PLK3: variants seen among roughly 807,000 people sequenced by gnomAD.
The protein encoded by PLK3 is serine/threonine-protein kinase PLK3.
A neutral mutation model predicts 71.6 loss-of-function variants in PLK3; 41 were observed. The ratio of observed to expected loss-of-function variants is 0.57; its 90% CI spans 0.45 to 0.74. The LOEUF (loss-of-function observed/expected upper bound fraction) is 0.74, where lower values mean the gene tolerates loss of function less well. Ranked by LOEUF, PLK3 falls within the 30% of genes least tolerant of loss-of-function variation. PLK3 has a pLI of 0.00. For missense variants in PLK3, 791 were observed against 875.6 expected, an observed-to-expected ratio of 0.90 and a Z score of 1.22; for synonymous variants, 366 against 355.4, an observed-to-expected ratio of 1.03 and a Z score of -0.33.
Position 44,805,306 on chromosome 1 carries a change from C to T in PLK3, c.1676C>T (p.Ala559Val). The T allele has an allele frequency of 1.2e-6, 2 of 1,614,054 alleles. No homozygotes were observed. Among genetic ancestry groups the T allele is most frequent in the Non-Finnish European group, 1.7e-6 (2 of 1,179,944 alleles). Residue 559 changes from alanine (A) to valine (V), a missense_variant, in exon 14 of 15, where the codon GCT becomes GTT. Ala to Val is a moderately conservative substitution (Grantham distance 64). Coordinates refer to ENST00000372201, the MANE Select transcript of PLK3 (RefSeq NM_004073.4). ...LPSVEEVEVPAPPLLLQWVKT... is the reference protein window; with the variant it reads ...LPSVEEVEVPVPPLLLQWVKT... ...AGTGTGGAAGAGGTAGAGGTACCTGCTCCGCCCTTGCTGCTGCAGTGGGTC... is the reference window on the plus strand; with the variant it reads ...AGTGTGGAAGAGGTAGAGGTACCTGTTCCGCCCTTGCTGCTGCAGTGGGTC...
chr1:44,805,231 G>T (rs1214708462), intron 13 of PLK3, 35 bp from the exon 14 acceptor site: 2 of 1,429,802 alleles, frequency 1.4e-6, no homozygotes, highest in Non-Finnish European at 9.9e-7. Flanking sequence ...GCTGTCTCAC[G>T]CTGGATCAGT....
rs763831383 is a variant in PLK3 at position 44,800,717 on chromosome 1, G to T, written c.210+44G>T. ...GCGGGGTGGTGATGGTGGAGGTGGG[G>T]GTCCCGGCCGGCCTCTTTTCTGGCG... On this transcript the variant is annotated intron_variant, in intron 1 of 14. Transcript: ENST00000372201. The surrounding 1 kb of genome is among the most constrained non-coding windows in gnomAD (Gnocchi z 6.5). 5 of 1,536,478 alleles carry T rather than the reference G, an allele frequency of 3.3e-6. No individual in the cohort carries two copies. The African/African-American group carries it at 6.8e-5, about 21-fold the overall frequency.
At position 44,802,821 on chromosome 1, in the gene PLK3, C is replaced by G; in HGVS notation, c.715C>G (p.Pro239Ala). 6.2e-7 allele frequency: 1 copy of G among 1,613,972 alleles called. No homozygotes were observed. Among genetic ancestry groups the G allele is most frequent in the Non-Finnish European group, 8.5e-7 (1 of 1,179,896 alleles). The change falls in exon 6 of 15, where the codon CCT (proline) becomes GCT (alanine). Residue 239 changes from proline (P) to alanine (A), a missense_variant. Physicochemically the swap from Pro to Ala is conservative, Grantham distance 27. Coordinates refer to ENST00000372201, the MANE Select transcript of PLK3 (RefSeq NM_004073.4). ...PEVLLRQGHG[P>A]EADVWSLGCV... is the part of the protein sequence containing the mutation. Reference sequence around the variant, plus strand: ...AGTGCTGCTGAGACAGGGCCACGGCCCTGAGGCGGATGTATGGTCACTGGG... The same window carrying G: ...AGTGCTGCTGAGACAGGGCCACGGCGCTGAGGCGGATGTATGGTCACTGGG...
chr1:44,801,886 G>T lies in PLK3; in HGVS notation c.607G>T (p.Asp203Tyr). Residue 203 changes from aspartate to tyrosine, a missense_variant, in exon 5 of 15, where the codon GAT becomes TAT. Transcript: ENST00000372201. Reference sequence around the variant, plus strand: ...TGAGAACATGGAACTGAAGGTGGGGGATTTTGGGCTGGCAGCCCGGTTGGA... The same window carrying T: ...TGAGAACATGGAACTGAAGGTGGGGTATTTTGGGCTGGCAGCCCGGTTGGA... Reference protein sequence around the residue: ...ITENMELKVGDFGLAARLEPP... With the variant: ...ITENMELKVGYFGLAARLEPP... 1.2e-6 allele frequency: 2 copies of T among 1,613,996 alleles called. No individual in the cohort carries two copies. The highest frequency in any genetic ancestry group is 1.7e-6 in the Non-Finnish European group (2 of 1,179,952).
chr1:44,801,074 C>T lies in PLK3; in HGVS notation c.357C>T (p.His119=), dbSNP rs150499493. 3.7e-6 allele frequency: 6 copies of T among 1,613,790 alleles called. No individual in the cohort carries two copies. In the African/African-American group the frequency reaches 6.7e-5, roughly 18 times the overall value. The change falls in exon 3 of 15, where the codon CAC becomes CAT. Residue 119 remains histidine, a synonymous_variant. Coordinates refer to ENST00000372201, the MANE Select transcript of PLK3 (RefSeq NM_004073.4). The part of the protein sequence containing the change: ...NEIELHRDLQ[H]RHIVRFSHHF... ...TTGAGCTGCACCGAGACCTGCAGCA[C>T]CGCCACATCGTGCGTTTTTCGCACC...
chr1:44,800,429 G>C lies in PLK3; in HGVS notation c.-35G>C, dbSNP rs948939006. On this transcript the variant is annotated 5_prime_UTR_variant, in exon 1 of 15. Coordinates refer to ENST00000372201, the MANE Select transcript of PLK3 (RefSeq NM_004073.4). The surrounding 1 kb of genome is among the most constrained non-coding windows in gnomAD (Gnocchi z 6.5). Reference sequence around the variant, plus strand: ...CGCGCGGCCGGGGCCGGGCGGAACCGAGAAGCCGGGACCGCGCTGCGACGC... The same window carrying C: ...CGCGCGGCCGGGGCCGGGCGGAACCCAGAAGCCGGGACCGCGCTGCGACGC... 4.6e-6 allele frequency: 6 copies of C among 1,300,436 alleles called. No individual in the cohort carries two copies. The Admixed American group carries it at 1.3e-4, about 27-fold the overall frequency. The allele number at this position is 1,300,436 out of a possible 1,614,324, so 80.6% of individuals were successfully genotyped here.
Position 44,803,116 on chromosome 1 carries a change from C to G in PLK3, c.911C>G (p.Ser304Cys). 6.2e-7 allele frequency: 1 copy of G among 1,613,956 alleles called. No individual in the cohort carries two copies. Among genetic ancestry groups the G allele is most frequent in the Non-Finnish European group, 8.5e-7 (1 of 1,180,006 alleles). Residue 304 changes from serine to cysteine, a missense_variant, in exon 7 of 15, where the codon TCT becomes TGT. Coordinates refer to ENST00000372201, the MANE Select transcript of PLK3 (RefSeq NM_004073.4). This position sits in a 1 kb window ranked among gnomAD's most constrained non-coding sequence, Gnocchi z 4.3. Reference protein sequence around the residue: ...ILRASPRDRPSIDQILRHDFF... With the variant: ...ILRASPRDRPCIDQILRHDFF... ...CGGGCCTCACCCCGAGACCGCCCCT[C>G]TATTGACCAGATCCTGCGCCATGAC...
chr1:44,804,923 G>A (rs994416679), intron 13 of PLK3, 144 bp downstream of exon 13: 15 of 730,738 alleles, frequency 2.1e-5, no homozygotes, highest in Middle Eastern at 3.7e-4. Context: ...GGCTAACAAG[G>A]TGAAACCCCG....
At chr1:44,802,704 C>CG (rs1232341522) in intron 5 of PLK3, 56 bp from the exon 6 acceptor site, 16 of 1,208,192 alleles carry the variant, frequency 1.3e-5, no homozygotes, top group Middle Eastern at 2.7e-4. Context: ...GGGAAGGAGT[C>CG]GGGGGGCTGC....
Position 44,800,461 on chromosome 1 carries a change from C to T in PLK3, c.-3C>T, listed in dbSNP as rs1573609913. On this transcript the variant is annotated 5_prime_UTR_variant, in exon 1 of 15. Transcript: ENST00000372201. This position sits in a 1 kb window ranked among gnomAD's most constrained non-coding sequence, Gnocchi z 6.5. ...CGGGACCGCGCTGCGACGCGCCGGC[C>T]GCATGGAGCCTGCCGCCGGTTTCCT... is the stretch of plus-strand genomic sequence containing the variant. 2.2e-6 allele frequency: 3 copies of T among 1,370,504 alleles called. No homozygotes were observed. The highest frequency in any genetic ancestry group is 2.8e-6 in the Non-Finnish European group (3 of 1,068,320). 84.9% of individuals were successfully genotyped at this position (1,370,504 alleles called of 1,614,324 possible). A position where few individuals can be genotyped will look rare whatever the true frequency, so the allele number is the denominator to read the frequency against.
chr1:44,804,997 C>T (rs989721453), intron 13 of PLK3: 11 of 581,126 alleles, frequency 1.9e-5, no homozygotes, highest in East Asian at 1.5e-4. Flanking sequence ...CCCAGCTACT[C>T]GGGAGGCTGA....
At chr1:44,804,802 A>G (rs1445912737) in intron 13 of PLK3, 23 bp downstream of exon 13, 1 of 1,612,160 alleles carries the variant, frequency 6.2e-7, no homozygotes, top group South Asian at 1.1e-5. Flanking sequence ...GGGCTGTGGT[A>G]CATTGAAACC....
chr1:44,805,206 A>G (rs999964073), intron 13 of PLK3, 60 bp from the exon 14 acceptor site: 3 of 1,096,546 alleles, frequency 2.7e-6, no homozygotes, highest in African/African-American at 1.5e-5. Context: ...TAAGGCATAC[A>G]CTAATGGGGA....
chr1:44,804,617 G>C, intron 12 of PLK3, 33 bp from the exon 13 acceptor site: 1 of 1,609,230 alleles, frequency 6.2e-7, no homozygotes, highest in Non-Finnish European at 8.5e-7. Flanking sequence ...CATTGGTGCA[G>C]GGCTCCCTCT....
chr1:44,804,287 C>T, intron 11 of PLK3, 41 bp downstream of exon 11: 2 of 1,613,216 alleles, frequency 1.2e-6, no homozygotes, highest in Non-Finnish European at 1.7e-6. Flanking sequence ...GGTGGGAGTT[C>T]TGTGGCTGGG....
chr1:44,800,667 G>T lies in PLK3; in HGVS notation c.204G>T (p.Leu68Phe), dbSNP rs17884316. ...GCACCTACCTCAAAGGCCGCTTGTT[G>T]GGCAAGGTGGGCCGAGGGACGTCCG... ...SGRTYLKGRLLGKGGFARCYE... is the reference protein window; with the variant it reads ...SGRTYLKGRLFGKGGFARCYE... The change falls in exon 1 of 15, where the codon TTG becomes TTT. Residue 68 changes from leucine to phenylalanine, a missense_variant. Leu to Phe is a conservative substitution (Grantham distance 22, BLOSUM62 0). Transcript: ENST00000372201. This position sits in a 1 kb window ranked among gnomAD's most constrained non-coding sequence, Gnocchi z 6.5. 8.4e-6 allele frequency: 13 copies of T among 1,552,116 alleles called. No individual in the cohort carries two copies. The highest frequency in any genetic ancestry group is 4.7e-5 in the South Asian group (4 of 84,746).
rs17884653 is a variant in PLK3 at position 44,804,443 on chromosome 1, C to T, written c.1447C>T (p.Arg483Cys). ...CGGCTTTGGGTATCAACTGTCCAGC[C>T]GCCGTGTGGCTGTGCTCTTCAACGA... ...KFGFGYQLSS[R>C]RVAVLFNDGT... Residue 483 changes from arginine (R) to cysteine (C), a missense_variant, in exon 12 of 15, where the codon CGC (arginine) becomes TGC (cysteine). Physicochemically the swap from Arg to Cys is radical, Grantham distance 180. Transcript: ENST00000372201. 4.6e-5 allele frequency: 75 copies of T among 1,614,080 alleles called. No individual in the cohort carries two copies. The highest frequency in any genetic ancestry group is 2.7e-4 in the African/African-American group (20 of 74,930).
At position 44,804,445 on chromosome 1, in the gene PLK3, C is replaced by T. The variant is rs143263520; in HGVS notation, c.1449C>T (p.Arg483=). ...KFGFGYQLSS[R]RVAVLFNDGT... ...GCTTTGGGTATCAACTGTCCAGCCG[C>T]CGTGTGGCTGTGCTCTTCAACGATG... is the stretch of plus-strand genomic sequence containing the variant. Residue 483 remains arginine, a synonymous_variant, in exon 12 of 15, where the codon CGC becomes CGT. Transcript: ENST00000372201. The T allele has an allele frequency of 1.2e-5, 20 of 1,614,088 alleles. No individual in the cohort carries two copies. The African/African-American group carries it at 2.5e-4, about 20-fold the overall frequency.
At position 44,803,782 on chromosome 1, in the gene PLK3, C is replaced by T; in HGVS notation, c.1164+91C>T. 1 of 1,204,330 alleles carries T rather than the reference C, an allele frequency of 8.3e-7. No individual in the cohort carries two copies. The highest frequency in any genetic ancestry group is 1.3e-5 in the South Asian group (1 of 77,300). 74.6% of individuals were successfully genotyped at this position (1,204,330 alleles called of 1,614,324 possible). The stretch of plus-strand genomic sequence containing the variant: ...GGATAAAAGAGGCTGCTGAAGCATC[C>T]AGCCTCGTGGTGGCCTAATTGGCTG... On this transcript the variant is annotated intron_variant, in intron 9 of 14. Coordinates refer to ENST00000372201, the MANE Select transcript of PLK3 (RefSeq NM_004073.4). The surrounding 1 kb of genome is among the most constrained non-coding windows in gnomAD (Gnocchi z 4.3).
Sources: allele counts gnomAD v4.1 joint callset, GRCh38; gene constraint gnomAD v4.1.1; non-coding constraint Gnocchi (gnomAD v3.1); transcripts MANE v1.5; gene names NCBI Gene and HGNC (gene_info 2026-07-23, HGNC 2026-07-21).